TENM2: variants seen among roughly 807,000 people sequenced by gnomAD.
TENM2 encodes the protein teneurin-2.
Under a neutral mutation model 245.2 loss-of-function variants are expected in TENM2, and 52 were observed. The observed-to-expected ratio is 0.21, with a 90% CI of 0.17 to 0.27. The LOEUF (loss-of-function observed/expected upper bound fraction) is 0.27. TENM2 is among the 10% of genes least tolerant of loss of function. The pLI is 1.00. For synonymous variants in TENM2, 1,363 were observed against 1,438.9 expected, an observed-to-expected ratio of 0.95 and a Z score of 1.19; for missense variants, 3,046 against 3,666.8, an observed-to-expected ratio of 0.83 and a Z score of 4.37.
intron 3 of TENM2, among the ~76,000 whole-genome samples, chr5:167,920,083 A>C (rs1338888544): frequency 6.6e-6 from 1 of 152,164 alleles, no homozygotes; most frequent in East Asian, 1.9e-4. Context: ...TGGGAGGCAC[A>C]ATTCAAGTAG....
At chr5:167,328,329 C>A (rs981261510) in intron 1 of TENM2, among the ~76,000 whole-genome samples, 1 of 150,532 alleles carries the variant, frequency 6.6e-6, no homozygotes, top group South Asian at 2.1e-4. Context: ...GACTCAGCCT[C>A]CTGAGTAGCT....
At chr5:167,747,517 T>C (rs763221688) in intron 2 of TENM2, among the ~76,000 whole-genome samples, 9 of 152,206 alleles carry the variant, frequency 5.9e-5, no homozygotes, top group Middle Eastern at 3.2e-3. Context: ...GATATGCCTC[T>C]GGGTTGTAAT....
chr5:167,859,712 C>T (rs1403763236), intron 2 of TENM2, among the ~76,000 whole-genome samples: 23 of 101,184 alleles, frequency 2.3e-4, no homozygotes, highest in Non-Finnish European at 4.1e-4. Flanking sequence ...CCCGGCCAGC[C>T]GCCCCGTCCG....
At chr5:167,404,418 A>T (rs1762519752) in intron 2 of TENM2, among the ~76,000 whole-genome samples, 1 of 152,144 alleles carries the variant, frequency 6.6e-6, no homozygotes, top group Non-Finnish European at 1.5e-5. Flanking sequence ...AAGGCAAATA[A>T]TATGATTGAC....
At chr5:168,179,874 T>C (rs901048876) in intron 13 of TENM2, among the ~76,000 whole-genome samples, 1 of 152,180 alleles carries the variant, frequency 6.6e-6, no homozygotes, top group African/African-American at 2.4e-5. Context: ...CCCAGGAAGC[T>C]CCTCCTGAGC....
the TENM2 span, among the ~76,000 whole-genome samples, chr5:167,040,430 T>G: frequency 6.6e-6 from 1 of 151,908 alleles, no homozygotes; most frequent in Admixed American, 6.6e-5. Context: ...TAAACTGAAA[T>G]AGTAAACAGC....
chr5:167,604,245 G>A (rs970449122), intron 2 of TENM2, among the ~76,000 whole-genome samples: 6 of 152,182 alleles, frequency 3.9e-5, no homozygotes, highest in Non-Finnish European at 8.8e-5. Flanking sequence ...AGGGTAGAAG[G>A]TGTAGGTAGG....
At chr5:167,371,298 T>G (rs536147453) in intron 1 of TENM2, among the ~76,000 whole-genome samples, 1 of 150,240 alleles carries the variant, frequency 6.7e-6, no homozygotes, top group African/African-American at 2.5e-5. Context: ...AGGCATGAGG[T>G]CACCTTGCAC....
At chr5:167,296,381 G>A (rs568055766) in intron 1 of TENM2, 2 of 152,202 alleles carry the variant, frequency 1.3e-5, no homozygotes, top group East Asian at 1.9e-4. Flanking sequence ...AGTTAAAGTC[G>A]GATCCATGTA....
chr5:168,226,329 A>G (rs544400366), intron 24 of TENM2, 66 bp downstream of exon 26: 3 of 1,487,956 alleles, frequency 2.0e-6, no homozygotes, highest in Non-Finnish European at 1.8e-6. Flanking sequence ...AGCCAAGCCC[A>G]ACATGTGAGT....
At chr5:167,648,880 G>A (rs1156352548) in intron 2 of TENM2, among the ~76,000 whole-genome samples, 1 of 152,198 alleles carries the variant, frequency 6.6e-6, no homozygotes, top group Non-Finnish European at 1.5e-5. Context: ...GCAACTTTCT[G>A]AAGCATCTCA....
chr5:167,374,607 A>T (rs2127308613), intron 1 of TENM2, among the ~76,000 whole-genome samples: 1 of 152,186 alleles, frequency 6.6e-6, no homozygotes, highest in Admixed American at 6.5e-5. Context: ...GGAAACTAGG[A>T]CGGGCACCCA....
chr5:168,064,378 C>T (rs566914715), intron 7 of TENM2, among the ~76,000 whole-genome samples: 1 of 152,284 alleles, frequency 6.6e-6, no homozygotes, highest in Non-Finnish European at 1.5e-5. Context: ...GCTAAGAAAA[C>T]TACTTCTTCC....
chr5:168,217,819 A>T (rs1453086911), intron 22 of TENM2, among the ~76,000 whole-genome samples: 9 of 152,154 alleles, frequency 5.9e-5, no homozygotes. Flanking sequence ...GTGCAACCAT[A>T]TGTAACAGCT....
At chr5:167,057,565 C>A in the TENM2 span, among the ~76,000 whole-genome samples, 1 of 152,136 alleles carries the variant, frequency 6.6e-6, no homozygotes, top group African/African-American at 2.4e-5. Flanking sequence ...AGTTTCCCCA[C>A]TCCCTTTATG....
chr5:167,132,584 G>A, the TENM2 span, among the ~76,000 whole-genome samples: 3 of 152,148 alleles, frequency 2.0e-5, no homozygotes, highest in African/African-American at 7.2e-5. Flanking sequence ...GCACTATCAG[G>A]AAGGCGGAAG....
At chr5:167,162,392 C>T in the TENM2 span, among the ~76,000 whole-genome samples, 1 of 151,988 alleles carries the variant, frequency 6.6e-6, no homozygotes. Context: ...CCTTGGAAGG[C>T]CGAGGTGGGC....
chr5:167,824,567 A>G (rs1245481663), intron 2 of TENM2, among the ~76,000 whole-genome samples: 2 of 152,196 alleles, frequency 1.3e-5, no homozygotes, highest in Admixed American at 1.3e-4. Flanking sequence ...AAATCAAGGA[A>G]CTTCAAGTAC....
intron 2 of TENM2, among the ~76,000 whole-genome samples, chr5:167,796,916 T>A (rs1283098534): frequency 1.3e-5 from 2 of 151,976 alleles, no homozygotes; most frequent in African/African-American, 2.4e-5. Context: ...GGATAGATTT[T>A]TTTTTTTTCT....
Sources: allele counts gnomAD v4.1 joint callset (sites outside exome capture counted in the v4.1 genomes callset), GRCh38; gene constraint gnomAD v4.1.1; transcripts MANE v1.5; gene names NCBI Gene and HGNC (gene_info 2026-07-23, HGNC 2026-07-21).